Variants in STK38L observed in about 807,000 individuals in gnomAD.
The protein encoded by STK38L is serine/threonine kinase 38 like, also known as serine/threonine-protein kinase 38-like.
Under a neutral mutation model 59.7 loss-of-function variants are expected in STK38L, and 28 were observed. That is an observed-to-expected ratio of 0.47 (90% CI 0.35 to 0.64). The LOEUF is 0.64. Ranked by LOEUF, STK38L falls within the 30% of genes least tolerant of loss-of-function variation. The probability of loss-of-function intolerance (pLI) is 0.01; values close to 1 mark genes in which losing one functional copy is unlikely to be tolerated. For synonymous variants in STK38L, 162 were observed against 176.8 expected (o/e 0.92, Z 0.66); for missense variants, 314 against 555.8 (o/e 0.56, Z 4.37).
At chr12:27,257,420 G>T (rs1943113040) in intron 1 of STK38L, among the ~76,000 whole-genome samples, 1 of 152,200 alleles carries the variant, frequency 6.6e-6, no homozygotes, top group African/African-American at 2.4e-5. Flanking sequence ...CACTACCTCA[G>T]ATTAATATAA....
At chr12:27,270,288 A>T (rs1943396104) in intron 1 of STK38L, among the ~76,000 whole-genome samples, 1 of 151,958 alleles carries the variant, frequency 6.6e-6, no homozygotes, top group South Asian at 2.1e-4. Context: ...GCTCACTGTA[A>T]CCTGTACCTC....
chr12:27,313,248 C>CAAA (rs748176392), intron 6 of STK38L, among the ~76,000 whole-genome samples: 16 of 105,826 alleles, frequency 1.5e-4, no homozygotes, highest in African/African-American at 4.7e-4. Context: ...GACTACGTCT[C>CAAA]AAAAAAAAAA....
intron 3 of STK38L, among the ~76,000 whole-genome samples, chr12:27,306,754 T>C (rs965425313): frequency 6.8e-3 from 475 of 69,736 alleles, no homozygotes; most frequent in Non-Finnish European, 8.8e-3. Context: ...CACACACACA[T>C]ATATTTGAGA....
intron 7 of STK38L, among the ~76,000 whole-genome samples, 161 bp from the exon 8 acceptor site, chr12:27,314,854 A>T (rs947667014): frequency 1.3e-5 from 2 of 152,166 alleles, no homozygotes; most frequent in African/African-American, 4.8e-5. Context: ...TCCATTTTCT[A>T]CTTTTAAAAA....
intron 1 of STK38L, among the ~76,000 whole-genome samples, chr12:27,254,839 C>T (rs1179799083): frequency 6.6e-6 from 1 of 152,142 alleles, no homozygotes; most frequent in Non-Finnish European, 1.5e-5. Flanking sequence ...TAAAAGAGAT[C>T]AAGTACCTCC....
At chr12:27,261,612 G>C (rs7297615) in intron 1 of STK38L, among the ~76,000 whole-genome samples, 118,720 of 152,062 alleles carry the variant, frequency 0.78, 46,565 homozygotes, top group Non-Finnish European at 0.83. Flanking sequence ...TGAACTTTTT[G>C]TATCTCTTCT....
At position 27,317,451 on chromosome 12, in the gene STK38L, T is replaced by C; in HGVS notation, c.953T>C (p.Ile318Thr). 1 of 1,594,358 alleles carries C rather than the reference T, an allele frequency of 6.3e-7. No individual in the cohort carries two copies. The highest frequency in any genetic ancestry group is 8.6e-7 in the Non-Finnish European group (1 of 1,166,948). Reference sequence around the variant, plus strand: ...GGAGTGATTATGTATGAAATGCTAATAGGTATGTTTTATCATTCATTTATG... The same window carrying C: ...GGAGTGATTATGTATGAAATGCTAACAGGTATGTTTTATCATTCATTTATG... ...SLGVIMYEML[I>T]GYPPFCSETP... Residue 318 changes from isoleucine to threonine, a missense_variant and splice_region_variant, in exon 10 of 14, where the codon ATA becomes ACA. By Grantham distance (89) the Ile-to-Thr change is moderately conservative (BLOSUM62 -1). Around this residue, in one of 3 missense-constraint regions of STK38L, gnomAD observed 28 missense variants for 96.7 expected, o/e 0.29. Coordinates refer to ENST00000389032, the MANE Select transcript of STK38L (RefSeq NM_015000.4).
intron 1 of STK38L, among the ~76,000 whole-genome samples, chr12:27,251,757 T>C (rs1392170933): frequency 6.6e-6 from 1 of 152,280 alleles, no homozygotes; most frequent in East Asian, 1.9e-4. Context: ...GAGCTTTGTT[T>C]TGTTTTGTGA....
At chr12:27,264,080 A>G (rs2136612173) in intron 1 of STK38L, among the ~76,000 whole-genome samples, 1 of 152,330 alleles carries the variant, frequency 6.6e-6, no homozygotes, top group South Asian at 2.1e-4. Context: ...TGAATAGTGG[A>G]AAATAAAGTT....
At chr12:27,251,114 T>A (rs190058562) in intron 1 of STK38L, among the ~76,000 whole-genome samples, 61 of 152,246 alleles carry the variant, frequency 4.0e-4, no homozygotes, top group Non-Finnish European at 7.2e-4. Flanking sequence ...CCTCTTCTAG[T>A]CCCACCCCAA....
rs1944379352 is a variant in STK38L, at chr12:27,308,832, A to T, written c.310-282A>T. The stretch of plus-strand genomic sequence containing the variant: ...GAAACGCTCTCTCAAAAAAATATAT[A>T]TATGTGTTTGTATGTATATATAAAA... On this transcript the variant is annotated intron_variant, in intron 4 of 13. Transcript: ENST00000389032. The surrounding 1 kb of genome is among the most constrained non-coding windows in gnomAD (Gnocchi z 4.5). Among the ~76,000 whole-genome samples, 1 of 146,886 alleles carries T rather than the reference A, an allele frequency of 6.8e-6. No individual in the cohort carries two copies. The highest frequency in any genetic ancestry group is 2.5e-5 in the African/African-American group (1 of 40,260).
At chr12:27,320,447 T>A (rs958816936) in intron 12 of STK38L, among the ~76,000 whole-genome samples, 1 of 144,122 alleles carries the variant, frequency 6.9e-6, no homozygotes, top group Non-Finnish European at 1.5e-5. Flanking sequence ...TGTTGATTTT[T>A]TTTTTTTTTT....
intron 6 of STK38L, among the ~76,000 whole-genome samples, chr12:27,313,218 G>A (rs1381685021): frequency 5.4e-5 from 8 of 148,264 alleles, no homozygotes; most frequent in Admixed American, 2.0e-4. Flanking sequence ...ACTGCAGTCC[G>A]GCCTGGGCGA....
chr12:27,248,697 C>T (rs1942909755), intron 1 of STK38L, among the ~76,000 whole-genome samples: 1 of 152,110 alleles, frequency 6.6e-6, no homozygotes. Context: ...CTCCACTTGA[C>T]TCAATGGGGT....
At chr12:27,273,585 AT>A (rs947768464) in intron 1 of STK38L, among the ~76,000 whole-genome samples, 4 of 152,228 alleles carry the variant, frequency 2.6e-5, no homozygotes, top group Non-Finnish European at 5.9e-5. Context: ...TTAATTATGA[AT>A]TATTTATTTT....
At chr12:27,248,551 A>G (rs1278566406) in intron 1 of STK38L, among the ~76,000 whole-genome samples, 1 of 152,152 alleles carries the variant, frequency 6.6e-6, no homozygotes, top group Non-Finnish European at 1.5e-5. Context: ...GCGGTGGGAG[A>G]GGTATTGCCT....
chr12:27,318,127 C>T (rs1944632064), intron 11 of STK38L, 108 bp downstream of exon 11: 1 of 1,315,316 alleles, frequency 7.6e-7, no homozygotes, highest in Non-Finnish European at 1.0e-6. Flanking sequence ...CTGATGTATA[C>T]AGTCAAAGAG....
At chr12:27,258,307 G>A (rs10842889) in intron 1 of STK38L, among the ~76,000 whole-genome samples, 9,765 of 152,256 alleles carry the variant, frequency 0.064, 425 homozygotes, top group Non-Finnish European at 0.096. Context: ...GGCTTCCCAA[G>A]GTGCTGGGAT....
intron 1 of STK38L, among the ~76,000 whole-genome samples, chr12:27,267,181 A>C (rs1943318068): frequency 6.6e-6 from 1 of 152,200 alleles, no homozygotes; most frequent in Admixed American, 6.5e-5. Context: ...AAAGGGAATA[A>C]ACGTTAAATT....
Sources: allele counts gnomAD v4.1 joint callset (sites outside exome capture counted in the v4.1 genomes callset), GRCh38; gene constraint gnomAD v4.1.1; regional missense constraint gnomAD v4.1.1; non-coding constraint Gnocchi (gnomAD v3.1); transcripts MANE v1.5; gene names NCBI Gene and HGNC (gene_info 2026-07-23, HGNC 2026-07-21).